CNOT1: variants seen among roughly 807,000 people sequenced by gnomAD.
The protein encoded by CNOT1 is CCR4-associated factor 1.
In CNOT1, 15 loss-of-function variants were observed where a neutral mutation model predicts 273.8. The ratio of observed to expected loss-of-function variants is 0.05; its 90% confidence interval spans 0.04 to 0.08. The LOEUF (loss-of-function observed/expected upper bound fraction) is 0.08. CNOT1 is among the 10% of genes least tolerant of loss of function. The pLI is 1.00. For missense variants in CNOT1, 1,644 were observed against 2,912.2 expected (o/e 0.56, Z 10.02); for synonymous variants, 1,022 against 1,005.5 (o/e 1.02, Z -0.31).
intron 39 of CNOT1, among the ~76,000 whole-genome samples, chr16:58,535,773 G>A (rs902615881): frequency 3.8e-4 from 57 of 150,472 alleles, no homozygotes; most frequent in Admixed American, 5.3e-4. Context: ...TCGCTCTGTC[G>A]CCCAGGCTGG....
At chr16:58,521,153 C>T in intron 48 of CNOT1, 30 bp downstream of exon 48, 2 of 1,613,184 alleles carry the variant, frequency 1.2e-6, no homozygotes, top group African/African-American at 1.3e-5. Context: ...AGTCTCATTC[C>T]TAGACAATTA....
intron 2 of CNOT1, among the ~76,000 whole-genome samples, chr16:58,595,527 T>C (rs1300079368): frequency 6.6e-6 from 1 of 151,192 alleles, no homozygotes; most frequent in Non-Finnish European, 1.5e-5. Context: ...GATTAAGATA[T>C]ATTTGCATAA....
In CNOT1 at chr16:58,532,072, A is replaced by G; in HGVS notation, c.6063T>C (p.Asn2021=). 1.9e-6 allele frequency: 3 copies of G among 1,614,068 alleles called. 1 individual carries two copies. Among genetic ancestry groups the G allele is most frequent in the Non-Finnish European group, 2.5e-6 (3 of 1,180,028 alleles). Reference sequence around the variant, plus strand: ...TGGTAGGCCTCAAGATGTGGAATGTATTGCTGAAAGAAGAAAAACCTTAGT... The same window carrying G: ...TGGTAGGCCTCAAGATGTGGAATGTGTTGCTGAAAGAAGAAAAACCTTAGT... The part of the protein sequence containing the change: ...INFQTLTAFC[N]TFHILRPTKA... Residue 2021 remains asparagine (N), a synonymous_variant, in exon 42 of 49, where the codon AAT becomes AAC. Coordinates refer to ENST00000317147, the MANE Select transcript of CNOT1 (RefSeq NM_016284.5).
intron 2 of CNOT1, chr16:58,597,737 T>G: frequency 2.0e-6 from 1 of 512,132 alleles, no homozygotes; most frequent in South Asian, 1.4e-5. Flanking sequence ...GGTGTGATGG[T>G]GGCCCACCAA....
chr16:58,575,454 G>C (rs1482412723), intron 14 of CNOT1, among the ~76,000 whole-genome samples: 4 of 152,004 alleles, frequency 2.6e-5, no homozygotes, highest in African/African-American at 9.7e-5. Flanking sequence ...TCTAAACACA[G>C]GCTTAAGCAC....
chr16:58,567,048 C>T (rs2041069228), intron 16 of CNOT1, among the ~76,000 whole-genome samples: 1 of 152,032 alleles, frequency 6.6e-6, no homozygotes, highest in Admixed American at 6.6e-5. Context: ...CACCTACTCA[C>T]AAGGCTCAGG....
At position 58,551,271 on chromosome 16, in the gene CNOT1, G is replaced by C. The variant is rs768011123; in HGVS notation, c.3203C>G (p.Pro1068Arg). 6.5e-7 allele frequency: 1 copy of C among 1,548,998 alleles called. No homozygotes were observed. The highest frequency in any genetic ancestry group is 8.6e-7 in the Non-Finnish European group (1 of 1,156,778). The change falls in exon 24 of 49, where the codon CCT becomes CGT. Residue 1068 changes from proline (P) to arginine (R), a missense_variant and splice_region_variant. This residue lies in a region of CNOT1 where 124 missense variants were observed against 289.3 expected (regional missense o/e 0.43). Transcript: ENST00000317147. ...TGVSFKKDVP[P>R]SINTTNIDTL... ...ATCTATATTTGTAGTATTAATAGAAGGCTAAAAAAAAAAAATAAAGTACAT... is the reference window on the plus strand; with the variant it reads ...ATCTATATTTGTAGTATTAATAGAACGCTAAAAAAAAAAAATAAAGTACAT...
At chr16:58,619,263 G>A (rs2043213363) in intron 1 of CNOT1, among the ~76,000 whole-genome samples, 1 of 151,890 alleles carries the variant, frequency 6.6e-6, no homozygotes, top group Non-Finnish European at 1.5e-5. Flanking sequence ...TACACCAAGA[G>A]AAAACTCTCA....
chr16:58,605,536 C>T (rs944116447), intron 1 of CNOT1, among the ~76,000 whole-genome samples: 5 of 152,106 alleles, frequency 3.3e-5, no homozygotes, highest in Non-Finnish European at 7.4e-5. Flanking sequence ...CACATAAATA[C>T]ATCCCTCCAA....
chr16:58,598,526 G>A (rs1340130188), intron 2 of CNOT1, among the ~76,000 whole-genome samples: 4 of 151,512 alleles, frequency 2.6e-5, no homozygotes, highest in East Asian at 1.9e-4. Context: ...CTGAGATCGC[G>A]TCACTGCACT....
At chr16:58,553,716 AG>A in intron 22 of CNOT1, 65 bp downstream of exon 22, 1 of 1,534,932 alleles carries the variant, frequency 6.5e-7, no homozygotes, top group Admixed American at 2.2e-5. Flanking sequence ...TACAAAAAAA[AG>A]CCAAAATATT....
intron 10 of CNOT1, among the ~76,000 whole-genome samples, chr16:58,582,470 AT>A: frequency 6.6e-6 from 1 of 152,304 alleles, no homozygotes; most frequent in South Asian, 2.1e-4. Flanking sequence ...TTTATGTCTT[AT>A]TTAAGCCCTT....
At chr16:58,561,827 A>T (rs946243261) in intron 16 of CNOT1, among the ~76,000 whole-genome samples, 3 of 152,320 alleles carry the variant, frequency 2.0e-5, no homozygotes, top group Non-Finnish European at 2.9e-5. Flanking sequence ...CATTTCAAAG[A>T]AGGGATACTC....
chr16:58,523,305 GAAA>G, intron 47 of CNOT1, 62 bp downstream of exon 47: 3 of 1,340,120 alleles, frequency 2.2e-6, no homozygotes, highest in African/African-American at 1.5e-5. Flanking sequence ...GCATAAAGAG[GAAA>G]AAAAAAAGAT....
intron 1 of CNOT1, among the ~76,000 whole-genome samples, chr16:58,626,096 T>C (rs929099182): frequency 6.6e-6 from 1 of 152,166 alleles, no homozygotes; most frequent in Non-Finnish European, 1.5e-5. Context: ...TTGAAAGTCT[T>C]TTCTTTTATA....
Position 58,603,407 on chromosome 16 carries a change from AAGTGTGTGTGTGTGTGTGTGTGTGTGTG to A in CNOT1, c.-174-3924_-174-3897del, listed in dbSNP as rs1227410690. Reference sequence around the variant, plus strand: ...CCTAGACCCTATCTCTACAATTTAAAAGTGTGTGTGTGTGTGTGTGTGTGTGTGTGTGTGTGTGTGTGTGTGTGTGTGT... The same window carrying A: ...CCTAGACCCTATCTCTACAATTTAAATGTGTGTGTGTGTGTGTGTGTGTGT... On this transcript the variant is annotated intron_variant, in intron 1 of 48. Transcript: ENST00000317147. Among the ~76,000 whole-genome samples, 208 of 126,378 alleles carry A rather than the reference AAGTGTGTGTGTGTGTGTGTGTGTGTGTG, an allele frequency of 1.6e-3. 1 individual carries two copies. The highest frequency in any genetic ancestry group is 3.1e-3 in the Admixed American group (38 of 12,298). 82.9% of individuals were successfully genotyped at this position (126,378 alleles called of 152,430 possible).
chr16:58,565,424 T>C lies in CNOT1; in HGVS notation c.1980-5062A>G, dbSNP rs555361265. Reference sequence around the variant, plus strand: ...GCCACCATGCTCAGCCTTCACTATATATTTTCTATGAACAAAAACATTTTC... The same window carrying C: ...GCCACCATGCTCAGCCTTCACTATACATTTTCTATGAACAAAAACATTTTC... On this transcript the variant is annotated intron_variant, in intron 16 of 48. Coordinates refer to ENST00000317147, the MANE Select transcript of CNOT1 (RefSeq NM_016284.5). Among the ~76,000 whole-genome samples, 47 of 152,310 alleles carry C rather than the reference T, an allele frequency of 3.1e-4. No individual in the cohort carries two copies. The South Asian group carries it at 8.1e-3, about 26-fold the overall frequency.
intron 16 of CNOT1, among the ~76,000 whole-genome samples, chr16:58,569,608 A>G (rs1479664509): frequency 2.7e-5 from 4 of 147,758 alleles, no homozygotes; most frequent in Admixed American, 2.0e-4. Flanking sequence ...TAACTGTAAT[A>G]AAGTTTCACT....
chr16:58,559,352 T>C (rs1201396417), intron 17 of CNOT1, among the ~76,000 whole-genome samples: 1 of 152,150 alleles, frequency 6.6e-6, no homozygotes, highest in Non-Finnish European at 1.5e-5. Context: ...GGACACTTAT[T>C]ATATTAATAA....
Sources: gnomAD v4.1 joint callset for allele counts (sites outside exome capture counted in the v4.1 genomes callset) on GRCh38, gnomAD v4.1.1 for gene constraint, gnomAD v4.1.1 regional missense constraint, MANE v1.5 for transcripts, NCBI Gene and HGNC (gene_info 2026-07-23, HGNC 2026-07-21) for gene names.